The following CLEC4A variants were observed in gnomAD, a reference collection of about 807,000 sequenced individuals.
CLEC4A encodes C-type lectin domain family 4 member A.
A neutral mutation model predicts 32.7 loss-of-function variants in CLEC4A; 27 were observed. That is an observed-to-expected ratio of 0.83 (90% CI 0.61 to 1.14). CLEC4A has a LOEUF of 1.14. Among genes scored for constraint, CLEC4A ranks in the 50% most tolerant of loss-of-function variants. The pLI, the probability that CLEC4A is intolerant of heterozygous loss-of-function variation, is 0.00. For synonymous variants in CLEC4A, 89 were observed against 93.7 expected (o/e 0.95, Z 0.29); for missense variants, 253 against 274.6 (o/e 0.92, Z 0.55).
At chr12:8,117,862 G>C in the CLEC4A span, among the ~76,000 whole-genome samples, 1 of 152,144 alleles carries the variant, frequency 6.6e-6, no homozygotes, top group South Asian at 2.1e-4. Context: ...ATGCCAAAAA[G>C]AATGACAACC....
intron 3 of CLEC4A, among the ~76,000 whole-genome samples, chr12:8,131,771 T>C (rs889732897): frequency 6.6e-6 from 1 of 152,014 alleles, no homozygotes; most frequent in Non-Finnish European, 1.5e-5. Flanking sequence ...TCCATTTATT[T>C]ATTTATATAA....
upstream of CLEC4A, among the ~76,000 whole-genome samples, chr12:8,120,078 A>ACTTT: frequency 6.6e-6 from 1 of 152,214 alleles, no homozygotes; most frequent in East Asian, 1.9e-4. Context: ...TTGATATATC[A>ACTTT]CTTTCTTAGA....
At chr12:8,108,524 A>G in the CLEC4A span, among the ~76,000 whole-genome samples, 1 of 152,220 alleles carries the variant, frequency 6.6e-6, no homozygotes, top group Non-Finnish European at 1.5e-5. Flanking sequence ...CATCAATCAC[A>G]TATTCTCCAT....
intron 1 of CLEC4A, 83 bp downstream of exon 1, chr12:8,124,043 C>G: frequency 1.1e-6 from 1 of 912,408 alleles, no homozygotes; most frequent in Non-Finnish European, 1.8e-6. Flanking sequence ...TAGGTGTTTT[C>G]AGTTGCTGGT....
intron 3 of CLEC4A, chr12:8,134,723 T>A (rs762387094): frequency 2.8e-5 from 44 of 1,566,228 alleles, no homozygotes; most frequent in Non-Finnish European, 3.3e-5. Context: ...TTCCTGGCCC[T>A]CCAGGAGGGC....
chr12:8,123,726 T>C lies in CLEC4A; in HGVS notation c.-153T>C. ...GTTCTTAGTTCTCATGAGACCCCTC[T>C]TGAGGATATGTGCCTATCTGGTGCC... On this transcript the variant is annotated 5_prime_UTR_variant, in exon 1 of 6. Transcript: ENST00000229332. 1.6e-6 allele frequency: 1 copy of C among 608,828 alleles called. No homozygotes were observed. The highest frequency in any genetic ancestry group is 2.9e-6 in the Non-Finnish European group (1 of 341,844). The allele number at this position is 608,828 out of a possible 1,614,324, so 37.7% of individuals were successfully genotyped here.
At chr12:8,130,346 A>T (rs1257656614) in intron 3 of CLEC4A, among the ~76,000 whole-genome samples, 1 of 151,846 alleles carries the variant, frequency 6.6e-6, no homozygotes, top group Non-Finnish European at 1.5e-5. Context: ...GAATTATTTA[A>T]ATTATTTAAA....
intron 5 of CLEC4A, 84 bp from the exon 6 acceptor site, chr12:8,138,056 T>G: frequency 1.4e-6 from 2 of 1,440,988 alleles, no homozygotes; most frequent in Non-Finnish European, 1.9e-6. Context: ...TCCATGAAAT[T>G]CATCCCTCGC....
At chr12:8,131,964 A>T (rs1948005829) in intron 3 of CLEC4A, among the ~76,000 whole-genome samples, 1 of 152,034 alleles carries the variant, frequency 6.6e-6, no homozygotes, top group African/African-American at 2.4e-5. Flanking sequence ...CCCAGCATCC[A>T]TTAGCTGTTC....
chr12:8,106,678 T>C, the CLEC4A span, among the ~76,000 whole-genome samples: 3 of 152,128 alleles, frequency 2.0e-5, no homozygotes, highest in Admixed American at 6.5e-5. Context: ...GGAATTACAT[T>C]TTTGATTTGC....
chr12:8,121,043 CA>C (rs1947826564), upstream of CLEC4A: 1 of 152,216 alleles, frequency 6.6e-6, no homozygotes, highest in African/African-American at 2.4e-5. Flanking sequence ...AATGAGAAAA[CA>C]CTTGGAGAGG....
Position 8,123,878 on chromosome 12 carries a change from T to G in CLEC4A, c.-1T>G, listed in dbSNP as rs968972991. ...AAGAAAGCAGAAGCTCTCTTCCCAT[T>G]ATGACTTCGGAAATCACTTATGCTG... On this transcript the variant is annotated 5_prime_UTR_variant, in exon 1 of 6. In the 5' UTR this introduces an upstream ATG that the reference lacks. Coordinates refer to ENST00000229332, the MANE Select transcript of CLEC4A (RefSeq NM_016184.4). 2.3e-5 allele frequency: 37 copies of G among 1,606,772 alleles called. No homozygotes were observed. Among genetic ancestry groups the G allele is most frequent in the Non-Finnish European group, 3.2e-5 (37 of 1,173,266 alleles).
chr12:8,128,412 CTTTTT>C (rs71042335), intron 2 of CLEC4A, among the ~76,000 whole-genome samples: 1 of 134,330 alleles, frequency 7.4e-6, no homozygotes, highest in Admixed American at 7.5e-5. Flanking sequence ...AGTTCAATTT[CTTTTT>C]TTTTTTTTTT....
At chr12:8,119,024 G>A (rs1226340716), upstream of CLEC4A, among the ~76,000 whole-genome samples, 2 of 152,158 alleles carry the variant, frequency 1.3e-5, no homozygotes, top group Non-Finnish European at 2.9e-5. Flanking sequence ...CCAGAACTGA[G>A]AAAATAAATT....
chr12:8,112,561 T>C, the CLEC4A span, among the ~76,000 whole-genome samples: 1 of 152,176 alleles, frequency 6.6e-6, no homozygotes, highest in Non-Finnish European at 1.5e-5. Context: ...ATTGTGCTCT[T>C]TTCATATATT....
chr12:8,123,558 T>G (rs1591605680), upstream of CLEC4A: 1 of 215,736 alleles, frequency 4.6e-6, no homozygotes, highest in East Asian at 1.1e-4. Context: ...TTGGTTCTTC[T>G]TTTATTTTTC....
At chr12:8,136,687 T>C (rs1948122513) in intron 4 of CLEC4A, 101 bp from the exon 5 acceptor site, 2 of 683,322 alleles carry the variant, frequency 2.9e-6, no homozygotes, top group Non-Finnish European at 5.2e-6. Context: ...AATGCAGCTG[T>C]TGCTGGATCC....
chr12:8,134,218 G>T (rs772157164), intron 3 of CLEC4A: 2 of 1,611,244 alleles, frequency 1.2e-6, no homozygotes, highest in East Asian at 4.5e-5. Context: ...TTTCATTGTT[G>T]TCAGCTTCCT....
chr12:8,106,528 A>G, the CLEC4A span, among the ~76,000 whole-genome samples: 1 of 152,220 alleles, frequency 6.6e-6, no homozygotes, highest in South Asian at 2.1e-4. Flanking sequence ...TGAGCATGGA[A>G]TATTTTTCCA....
Sources: gnomAD v4.1 joint callset for allele counts (sites outside exome capture counted in the v4.1 genomes callset) on GRCh38, gnomAD v4.1.1 for gene constraint, MANE v1.5 for transcripts, NCBI Gene and HGNC (gene_info 2026-07-23, HGNC 2026-07-21) for gene names.